Variants in NBEA observed in about 807,000 individuals in gnomAD.
NBEA encodes the protein lysosomal-trafficking regulator 2.
NBEA carries 44 observed loss-of-function variants against 343.4 expected under a neutral mutation model. The observed-to-expected ratio is 0.13, with a 90% CI of 0.10 to 0.16. NBEA has a LOEUF of 0.16. NBEA is among the 10% of genes least tolerant of loss of function. The pLI is 1.00. For missense variants in NBEA, 2,555 were observed against 3,631.3 expected (o/e 0.70, Z 7.62); for synonymous variants, 1,175 against 1,238.7 (o/e 0.95, Z 1.08).
intron 8 of NBEA, among the ~76,000 whole-genome samples, chr13:35,059,549 AAG>A (rs2063387366): frequency 6.6e-6 from 1 of 151,900 alleles, no homozygotes; most frequent in Non-Finnish European, 1.5e-5. Flanking sequence ...TTCGAGCTGA[AAG>A]AGAATTACAC....
At chr13:35,249,773 G>A (rs745937723) in intron 34 of NBEA, among the ~76,000 whole-genome samples, 45 of 152,226 alleles carry the variant, frequency 3.0e-4, no homozygotes, top group Non-Finnish European at 4.3e-4. Context: ...TATTATTTGC[G>A]ACCTACATTT....
intron 38 of NBEA, among the ~76,000 whole-genome samples, chr13:35,414,492 G>T (rs1213479086): frequency 1.3e-5 from 2 of 151,992 alleles, no homozygotes; most frequent in Non-Finnish European, 2.9e-5. Context: ...TTGGTTTTCG[G>T]TCCTTGCGAT....
At chr13:35,256,962 A>G (rs577124697) in intron 34 of NBEA, among the ~76,000 whole-genome samples, 7 of 152,304 alleles carry the variant, frequency 4.6e-5, no homozygotes, top group East Asian at 1.9e-4. Context: ...TGCCAACTCA[A>G]TAGTGGAGGG....
At chr13:35,344,734 T>C (rs116738483) in intron 36 of NBEA, among the ~76,000 whole-genome samples, 1 of 152,068 alleles carries the variant, frequency 6.6e-6, no homozygotes, top group Admixed American at 6.6e-5. Flanking sequence ...AATAGTTCTT[T>C]AAGTATGAAA....
chr13:35,427,119 T>G (rs2044735576), intron 38 of NBEA, among the ~76,000 whole-genome samples: 1 of 152,222 alleles, frequency 6.6e-6, no homozygotes, highest in Non-Finnish European at 1.5e-5. Context: ...ATCTGAAGCC[T>G]TCTTCTCTCA....
intron 53 of NBEA, 40 bp downstream of exon 53, chr13:35,651,916 C>T: frequency 9.1e-7 from 1 of 1,093,148 alleles, no homozygotes; most frequent in East Asian, 2.6e-5. Context: ...TGGATACTAT[C>T]CATATATTCA....
chr13:34,974,239 T>C (rs1200933407), intron 1 of NBEA, among the ~76,000 whole-genome samples: 1 of 152,146 alleles, frequency 6.6e-6, no homozygotes, highest in Non-Finnish European at 1.5e-5. Flanking sequence ...CAGTTGAAGG[T>C]ACTGTATTTA....
intron 47 of NBEA, among the ~76,000 whole-genome samples, chr13:35,596,762 C>T (rs2081822645): frequency 6.6e-6 from 1 of 151,830 alleles, no homozygotes; most frequent in Non-Finnish European, 1.5e-5. Flanking sequence ...ATGTAGATGT[C>T]AGAAAAGGTA....
chr13:35,194,022 A>G (rs927948293), intron 30 of NBEA, among the ~76,000 whole-genome samples: 1 of 151,960 alleles, frequency 6.6e-6, no homozygotes, highest in Non-Finnish European at 1.5e-5. Flanking sequence ...GAAAAGGGGG[A>G]GAAAAAAATG....
rs1157807964 is a variant in NBEA at position 35,472,509 on chromosome 13, T to C, written c.6558T>C (p.Asp2186=). ...TCTACTTCGAGGTAGATGAGGATGA[T>C]TCTGCCTTCAAGAAGATCGACACGA... The part of the protein sequence containing the change: ...TEIYFEVDED[D]SAFKKIDTKV... Residue 2186 remains aspartate (D), a synonymous_variant, in exon 41 of 59, where the codon GAT becomes GAC. Transcript: ENST00000379939. The C allele has an allele frequency of 6.2e-7, 1 of 1,614,024 alleles. No individual in the cohort carries two copies. The highest frequency in any genetic ancestry group is 8.5e-7 in the Non-Finnish European group (1 of 1,179,896).
chr13:34,966,040 A>G (rs2059810635), intron 1 of NBEA, among the ~76,000 whole-genome samples: 1 of 152,028 alleles, frequency 6.6e-6, no homozygotes, highest in Admixed American at 6.6e-5. Context: ...TATTTCAGAA[A>G]TGTTAAATAT....
At chr13:35,630,744 T>G (rs1201232224) in intron 49 of NBEA, among the ~76,000 whole-genome samples, 1 of 152,090 alleles carries the variant, frequency 6.6e-6, no homozygotes, top group African/African-American at 2.4e-5. Flanking sequence ...ATACTCTTAC[T>G]TCCCTTCCCC....
intron 36 of NBEA, among the ~76,000 whole-genome samples, chr13:35,336,933 A>G (rs1424359897): frequency 6.6e-6 from 1 of 152,096 alleles, no homozygotes; most frequent in Admixed American, 6.6e-5. Context: ...CTTATTACTC[A>G]GGTGACAAAA....
intron 41 of NBEA, chr13:35,476,004 C>T: frequency 1.2e-6 from 2 of 1,614,188 alleles, no homozygotes; most frequent in Non-Finnish European, 1.7e-6. Context: ...CCTGCACTTC[C>T]ACTTCCTTCA....
At chr13:35,410,121 A>G (rs2043497089) in intron 38 of NBEA, among the ~76,000 whole-genome samples, 1 of 152,162 alleles carries the variant, frequency 6.6e-6, no homozygotes, top group Admixed American at 6.6e-5. Context: ...ACTGATATGC[A>G]TGGAAATAAA....
chr13:35,475,461 C>T (rs1254337917), intron 41 of NBEA: 5 of 1,612,834 alleles, frequency 3.1e-6, no homozygotes, highest in Non-Finnish European at 4.2e-6. Context: ...AGGCGTCGCT[C>T]TCCGCCGAGC....
chr13:35,440,113 T>C (rs1270028223), intron 39 of NBEA, among the ~76,000 whole-genome samples: 1 of 152,088 alleles, frequency 6.6e-6, no homozygotes, highest in Non-Finnish European at 1.5e-5. Flanking sequence ...CTCTTGACCT[T>C]AGGTGATCCA....
chr13:35,166,145 G>A, intron 24 of NBEA, among the ~76,000 whole-genome samples: 1 of 151,896 alleles, frequency 6.6e-6, no homozygotes, highest in East Asian at 1.9e-4. Flanking sequence ...ATGTAATATT[G>A]AATGTTTTTA....
intron 39 of NBEA, among the ~76,000 whole-genome samples, chr13:35,450,257 T>C (rs1366100860): frequency 6.6e-6 from 1 of 151,844 alleles, no homozygotes; most frequent in East Asian, 1.9e-4. Context: ...GGAGGATCGC[T>C]TGAGCTCAGG....
Sources: allele counts gnomAD v4.1 joint callset (sites outside exome capture counted in the v4.1 genomes callset), GRCh38; gene constraint gnomAD v4.1.1; transcripts MANE v1.5; gene names NCBI Gene and HGNC (gene_info 2026-07-23, HGNC 2026-07-21).